CFAP92: variants seen among roughly 807,000 people sequenced by gnomAD.
The protein encoded by CFAP92 is cilia and flagella associated protein 92 (putative).
Under a neutral mutation model 106.3 loss-of-function variants are expected in CFAP92, and 86 were observed. That is an observed-to-expected ratio of 0.81 (90% CI 0.68 to 0.97). The LOEUF (loss-of-function observed/expected upper bound fraction) is 0.97, where lower values mean the gene tolerates loss of function less well. CFAP92 is among the 50% of genes least tolerant of loss of function. CFAP92 has a pLI of 0.00. For missense variants in CFAP92, 1,204 were observed against 1,283.8 expected, an observed-to-expected ratio of 0.94 and a Z score of 0.95; for synonymous variants, 477 against 506.4, an observed-to-expected ratio of 0.94 and a Z score of 0.78.
At chr3:128,996,756 G>A (rs199936201), upstream of CFAP92, among the ~76,000 whole-genome samples, 6 of 152,366 alleles carry the variant, frequency 3.9e-5, no homozygotes, top group East Asian at 9.6e-4. Context: ...TGCTCAGCTG[G>A]AGGACCAACA....
At position 128,988,728 on chromosome 3, in the gene CFAP92, C is replaced by T. The variant is rs1317857350; in HGVS notation, c.453G>A (p.Lys151=). The change falls in exon 3 of 16, where the codon AAG becomes AAA. Residue 151 remains lysine, a splice_region_variant and synonymous_variant. Transcript: ENST00000645291. ...AGGCCACACACACTCACACACGCACCTTTACTCCTGACTCCAGGAATACTT... is the reference window on the plus strand; with the variant it reads ...AGGCCACACACACTCACACACGCACTTTTACTCCTGACTCCAGGAATACTT... The part of the protein sequence containing the change: ...VAKVFLESGV[K]TVKPWHEGDK... The T allele has an allele frequency of 1.2e-6, 2 of 1,613,712 alleles. No individual in the cohort carries two copies. Among genetic ancestry groups the T allele is most frequent in the Non-Finnish European group, 1.7e-6 (2 of 1,179,840 alleles).
upstream of CFAP92, among the ~76,000 whole-genome samples, chr3:128,996,780 C>A (rs1212776087): frequency 6.6e-6 from 1 of 152,242 alleles, no homozygotes; most frequent in African/African-American, 2.4e-5. Context: ...CTGGAAGCTG[C>A]CAGAAGTCCT....
chr3:128,915,512 C>A lies in CFAP92; in HGVS notation c.2968G>T (p.Glu990Ter). The stretch of plus-strand genomic sequence containing the variant: ...TCCTCTTCCTTCAAGTCCAGGGGCT[C>A]CACCATGGCTGAGAGGTAATCCTGT... Reference protein sequence around the residue: ...YSQDYLSAMVEPLDLKEEEKK... With the variant: ...YSQDYLSAMV Residue 990 changes from glutamate (E) to a stop codon, truncating the protein, a stop_gained, in exon 14 of 16, where the codon GAG becomes TAG. Transcript: ENST00000645291. LOFTEE classifies it high-confidence loss of function. 6 of 1,535,532 alleles carry A rather than the reference C, an allele frequency of 3.9e-6. No individual in the cohort carries two copies. Among genetic ancestry groups the A allele is most frequent in the Non-Finnish European group, 5.2e-6 (6 of 1,146,714 alleles).
intron 12 of CFAP92, among the ~76,000 whole-genome samples, chr3:128,923,621 A>T (rs1287481711): frequency 6.6e-6 from 1 of 152,252 alleles, no homozygotes; most frequent in Non-Finnish European, 1.5e-5. Flanking sequence ...AACCAGAGCG[A>T]CTACATTTTG....
intron 12 of CFAP92, among the ~76,000 whole-genome samples, chr3:128,917,105 A>G (rs189167560): frequency 6.6e-4 from 101 of 152,348 alleles, no homozygotes; most frequent in African/African-American, 2.1e-3. Flanking sequence ...CCAGGCAACA[A>G]GGGATGCAAG....
At chr3:128,999,164 G>A (rs989813796) in intron 1 of CFAP92, among the ~76,000 whole-genome samples, 1 of 151,994 alleles carries the variant, frequency 6.6e-6, no homozygotes, top group South Asian at 2.1e-4. Context: ...ACAGACACAC[G>A]CCCATCCCCC....
chr3:128,941,720 G>A (rs991253975), intron 10 of CFAP92, among the ~76,000 whole-genome samples: 5 of 152,202 alleles, frequency 3.3e-5, no homozygotes, highest in Middle Eastern at 3.4e-3. Flanking sequence ...CAGGCGATCC[G>A]CCCACCTTGG....
At chr3:128,976,215 TA>T (rs1943146787) in intron 6 of CFAP92, among the ~76,000 whole-genome samples, 1 of 151,926 alleles carries the variant, frequency 6.6e-6, no homozygotes, top group South Asian at 2.1e-4. Flanking sequence ...TGATGGAAAA[TA>T]ATATATTTTA....
At chr3:129,019,444 A>G in the CFAP92 span, among the ~76,000 whole-genome samples, 2 of 152,170 alleles carry the variant, frequency 1.3e-5, no homozygotes, top group African/African-American at 2.4e-5. Flanking sequence ...CATCAGTCCA[A>G]TAATTCCTTT....
chr3:129,004,178 G>T (rs1246609502), upstream of CFAP92: 3 of 1,291,270 alleles, frequency 2.3e-6, no homozygotes, highest in Non-Finnish European at 3.0e-6. Flanking sequence ...CTCGTGTTCC[G>T]CAGTTTCTCC....
At chr3:128,939,525 A>G (rs1181595449) in intron 10 of CFAP92, among the ~76,000 whole-genome samples, 1 of 152,110 alleles carries the variant, frequency 6.6e-6, no homozygotes, top group Non-Finnish European at 1.5e-5. Flanking sequence ...TCATCTATTT[A>G]GTGCAACCAC....
intron 15 of CFAP92, 182 bp downstream of exon 15, chr3:128,914,937 T>C: frequency 1.6e-6 from 1 of 623,656 alleles, no homozygotes. Flanking sequence ...AATCCTGGTC[T>C]GAGTTCCAGC....
upstream of CFAP92, among the ~76,000 whole-genome samples, chr3:129,003,013 G>T (rs143352541): frequency 6.6e-6 from 1 of 152,320 alleles, no homozygotes; most frequent in African/African-American, 2.4e-5. Context: ...TGCCAGCCGA[G>T]CACCAAGGGC....
In CFAP92 at chr3:128,993,368, C is replaced by T. The variant is rs190055104; in HGVS notation, c.-32-32G>A. The stretch of plus-strand genomic sequence containing the variant: ...GGGAGAAAGTGAAGGCTGTCCCCGC[C>T]TGTATTCCAGGGCTGCTCCAGGAGG... On this transcript the variant is annotated intron_variant, in intron 1 of 15. Transcript: ENST00000645291. 4.3e-4 allele frequency: 672 copies of T among 1,547,090 alleles called. 2 individuals carry two copies. In the African/African-American group the frequency reaches 7.5e-3, roughly 17 times the overall value.
rs186797694 is a variant in CFAP92 at position 128,946,249 on chromosome 3, T to A, written c.1354-274A>T. Among the ~76,000 whole-genome samples the A allele has an allele frequency of 4.6e-5, 7 of 152,360 alleles. No homozygotes were observed. The East Asian group carries it at 9.6e-4, about 21-fold the overall frequency. Reference sequence around the variant, plus strand: ...TTTTCCTCCCAAAATGTGAGTGCCATGAAGATAGGCCATGTGTCCTTTTTC... The same window carrying A: ...TTTTCCTCCCAAAATGTGAGTGCCAAGAAGATAGGCCATGTGTCCTTTTTC... On this transcript the variant is annotated intron_variant, in intron 9 of 15. Coordinates refer to ENST00000645291, the MANE Select transcript of CFAP92 (RefSeq NM_001394090.1).
upstream of CFAP92, among the ~76,000 whole-genome samples, chr3:128,994,959 C>T (rs1036576313): frequency 9.9e-5 from 15 of 152,100 alleles, no homozygotes; most frequent in Non-Finnish European, 1.8e-4. Context: ...GAATGGGTGG[C>T]GAGGCTGTAG....
At chr3:128,997,474 C>A (rs1944524652), upstream of CFAP92, among the ~76,000 whole-genome samples, 1 of 152,212 alleles carries the variant, frequency 6.6e-6, no homozygotes, top group South Asian at 2.1e-4. Flanking sequence ...AATCTCTGTT[C>A]CAACTCCCAG....
At chr3:129,013,205 C>T in the CFAP92 span, among the ~76,000 whole-genome samples, 4 of 152,042 alleles carry the variant, frequency 2.6e-5, no homozygotes, top group South Asian at 2.1e-4. Context: ...ATTGTTTTGA[C>T]GGTACAGCCT....
chr3:128,918,029 G>A (rs567980436), intron 12 of CFAP92, among the ~76,000 whole-genome samples: 1 of 152,294 alleles, frequency 6.6e-6, no homozygotes, highest in South Asian at 2.1e-4. Context: ...AAAAGAGCAG[G>A]CCACCTGTAA....
Sources: allele counts gnomAD v4.1 joint callset (sites outside exome capture counted in the v4.1 genomes callset), GRCh38; gene constraint gnomAD v4.1.1; transcripts MANE v1.5; gene names NCBI Gene and HGNC (gene_info 2026-07-23, HGNC 2026-07-21).